Variants in LRP1B observed in about 807,000 individuals in gnomAD.
LRP1B encodes the protein LDL receptor related protein 1B.
In LRP1B, 217 loss-of-function variants were observed where a neutral mutation model predicts 556.6. The ratio of observed to expected loss-of-function variants is 0.39; its 90% CI spans 0.35 to 0.44. LRP1B has a LOEUF of 0.44. LRP1B is among the 20% of genes least tolerant of loss of function. The probability of loss-of-function intolerance (pLI) is 1.00; values close to 1 mark genes in which losing one functional copy is unlikely to be tolerated. For missense variants in LRP1B, 5,053 were observed against 5,620.8 expected (o/e 0.90, Z 3.23); for synonymous variants, 2,047 against 1,865.8 (o/e 1.10, Z -2.50).
chr2:141,548,946 G>T (rs952323919), intron 2 of LRP1B, among the ~76,000 whole-genome samples: 1 of 150,596 alleles, frequency 6.6e-6, no homozygotes, highest in Non-Finnish European at 1.5e-5. Context: ...AACGTTGCTG[G>T]TTAAAAAAAA....
chr2:140,484,240 T>C (rs1041009578), intron 59 of LRP1B, among the ~76,000 whole-genome samples: 1 of 152,226 alleles, frequency 6.6e-6, no homozygotes, highest in South Asian at 2.1e-4. Flanking sequence ...GTACAAAGCT[T>C]CTCCTATTAG....
intron 4 of LRP1B, among the ~76,000 whole-genome samples, chr2:141,250,209 A>G (rs1399982649): frequency 6.6e-6 from 1 of 152,168 alleles, no homozygotes; most frequent in African/African-American, 2.4e-5. Context: ...TGGTGTTCAT[A>G]AAGAGCTCCT....
intron 3 of LRP1B, among the ~76,000 whole-genome samples, chr2:141,261,679 A>G (rs1308757676): frequency 1.3e-5 from 2 of 152,068 alleles, no homozygotes; most frequent in Non-Finnish European, 1.5e-5. Context: ...TATTATTGTT[A>G]GTATTAGGTA....
At chr2:142,024,869 T>C (rs986800917) in intron 1 of LRP1B, among the ~76,000 whole-genome samples, 2 of 152,106 alleles carry the variant, frequency 1.3e-5, no homozygotes, top group Non-Finnish European at 2.9e-5. Context: ...TTCTTCCATT[T>C]GATTATTCAA....
At chr2:141,239,791 G>T (rs1683794425) in intron 5 of LRP1B, among the ~76,000 whole-genome samples, 1 of 151,962 alleles carries the variant, frequency 6.6e-6, no homozygotes. Flanking sequence ...GAGAAGGGAG[G>T]TAGATATATG....
At chr2:140,300,216 ATTTC>A (rs1683761857) in intron 83 of LRP1B, among the ~76,000 whole-genome samples, 1 of 152,140 alleles carries the variant, frequency 6.6e-6, no homozygotes, top group South Asian at 2.1e-4. Flanking sequence ...TGAAGAGCAG[ATTTC>A]TTTCTGACAA....
chr2:140,431,659 C>T (rs937137709), intron 66 of LRP1B, among the ~76,000 whole-genome samples: 1 of 152,162 alleles, frequency 6.6e-6, no homozygotes, highest in Non-Finnish European at 1.5e-5. Flanking sequence ...TGTCCTGGGT[C>T]CTCCCAATTC....
chr2:140,892,847 G>A (rs1044984783), intron 23 of LRP1B, among the ~76,000 whole-genome samples: 7 of 152,122 alleles, frequency 4.6e-5, no homozygotes, highest in African/African-American at 1.7e-4. Context: ...CAGAGTAGGT[G>A]CACAGTTCAT....
At chr2:141,403,862 G>A (rs530787816) in intron 3 of LRP1B, among the ~76,000 whole-genome samples, 1 of 152,146 alleles carries the variant, frequency 6.6e-6, no homozygotes, top group South Asian at 2.1e-4. Flanking sequence ...GAGGCCAGTC[G>A]CTCCCCTGAG....
intron 90 of LRP1B, 113 bp from the exon 91 acceptor site, chr2:140,233,439 T>A: frequency 1.6e-6 from 1 of 625,110 alleles, no homozygotes; most frequent in Non-Finnish European, 2.5e-6. Context: ...GCAATACATT[T>A]AATTTATTAA....
In LRP1B at chr2:141,421,450, A is replaced by G. The variant is rs1192760430; in HGVS notation, c.343+58946T>C. Among the ~76,000 whole-genome samples the G allele has an allele frequency of 2.1e-5, 3 of 146,142 alleles. No homozygotes were observed. In the Admixed American group the frequency reaches 2.1e-4, roughly 10 times the overall value. On this transcript the variant is annotated intron_variant, in intron 3 of 90. Coordinates refer to ENST00000389484, the MANE Select transcript of LRP1B (RefSeq NM_018557.3). ...AGGCTGAGGCAGGAGAATGGCGTGA[A>G]CCCGGGAGGCGGAGCTTGCAGTGAG...
intron 3 of LRP1B, among the ~76,000 whole-genome samples, chr2:141,390,798 G>A (rs1690023706): frequency 1.3e-5 from 2 of 152,208 alleles, no homozygotes; most frequent in South Asian, 4.1e-4. Context: ...TGAAGAACAA[G>A]TGCGCAATGC....
chr2:140,894,724 G>C (rs1462888956), intron 23 of LRP1B, among the ~76,000 whole-genome samples: 1 of 152,054 alleles, frequency 6.6e-6, no homozygotes, highest in East Asian at 1.9e-4. Context: ...CGAGACAGGA[G>C]GATCACCTGA....
intron 3 of LRP1B, among the ~76,000 whole-genome samples, chr2:141,387,247 C>A (rs557403990): frequency 6.6e-6 from 1 of 151,670 alleles, no homozygotes; most frequent in Admixed American, 6.6e-5. Flanking sequence ...CAAATAAATA[C>A]GCCATATTTA....
At chr2:140,954,991 T>C (rs959190699) in intron 18 of LRP1B, among the ~76,000 whole-genome samples, 1 of 151,966 alleles carries the variant, frequency 6.6e-6, no homozygotes, top group Non-Finnish European at 1.5e-5. Flanking sequence ...TTCTGTTTCA[T>C]TCTCAAAGTA....
chr2:140,972,540 T>C (rs1304894334), intron 18 of LRP1B, among the ~76,000 whole-genome samples: 2 of 152,098 alleles, frequency 1.3e-5, no homozygotes, highest in Non-Finnish European at 2.9e-5. Flanking sequence ...TCAAGCATCT[T>C]TGATGTTCTC....
At chr2:140,672,802 T>A (rs1685535266) in intron 41 of LRP1B, among the ~76,000 whole-genome samples, 1 of 152,198 alleles carries the variant, frequency 6.6e-6, no homozygotes, top group African/African-American at 2.4e-5. Flanking sequence ...TGTGTCTTCT[T>A]GTATGTCCTG....
chr2:141,845,203 T>C (rs111271426), intron 1 of LRP1B, among the ~76,000 whole-genome samples: 2 of 151,822 alleles, frequency 1.3e-5, no homozygotes, highest in Admixed American at 6.6e-5. Context: ...AAACAATGAC[T>C]GAATTTATCA....
At chr2:141,626,074 A>G (rs781661520) in intron 2 of LRP1B, among the ~76,000 whole-genome samples, 1 of 152,180 alleles carries the variant, frequency 6.6e-6, no homozygotes, top group Non-Finnish European at 1.5e-5. Flanking sequence ...GTTTAAACAC[A>G]TACTACACTG....
Sources: gnomAD v4.1 joint callset for allele counts (sites outside exome capture counted in the v4.1 genomes callset) on GRCh38, gnomAD v4.1.1 for gene constraint, MANE v1.5 for transcripts, NCBI Gene and HGNC (gene_info 2026-07-23, HGNC 2026-07-21) for gene names.